Variants in GLIS3 observed in about 807,000 individuals in gnomAD.
GLIS3 encodes zinc finger protein GLIS3.
Under a neutral mutation model 78.6 loss-of-function variants are expected in GLIS3, and 53 were observed. That is an observed-to-expected ratio of 0.67 (90% CI 0.54 to 0.85). GLIS3 has a LOEUF of 0.85. GLIS3 is among the 40% of genes least tolerant of loss of function. The pLI is 0.00. For synonymous variants in GLIS3, 684 were observed against 509.9 expected (o/e 1.34, Z -4.60); for missense variants, 1,703 against 1,231.1 (o/e 1.38, Z -5.74).
At chr9:3,918,933 G>C (rs1307948498) in intron 6 of GLIS3, among the ~76,000 whole-genome samples, 1 of 152,108 alleles carries the variant, frequency 6.6e-6, no homozygotes, top group East Asian at 1.9e-4. Context: ...TAAGACCCCG[G>C]GAAGATCCCA....
chr9:4,142,575 G>C (rs1336063718), intron 2 of GLIS3, among the ~76,000 whole-genome samples: 3 of 152,090 alleles, frequency 2.0e-5, no homozygotes, highest in African/African-American at 7.2e-5. Flanking sequence ...CAAAACTACA[G>C]GCAGAAATCT....
chr9:4,331,151 G>C (rs1402521231), intron 2 of GLIS3, among the ~76,000 whole-genome samples: 1 of 152,062 alleles, frequency 6.6e-6, no homozygotes, highest in African/African-American at 2.4e-5. Flanking sequence ...CAAGTTGTCA[G>C]CAGGCCCACA....
intron 2 of GLIS3, among the ~76,000 whole-genome samples, chr9:4,148,684 T>A (rs1834421514): frequency 6.6e-6 from 1 of 151,998 alleles, no homozygotes; most frequent in African/African-American, 2.4e-5. Flanking sequence ...GCCCACACCA[T>A]ACCTGTAGCA....
chr9:4,311,269 C>T (rs981128325), intron 2 of GLIS3, among the ~76,000 whole-genome samples: 3 of 152,184 alleles, frequency 2.0e-5, no homozygotes, highest in Middle Eastern at 3.4e-3. Context: ...ATTATCCGGG[C>T]GTGGTGGCAC....
At chr9:4,378,201 A>C in the GLIS3 span, among the ~76,000 whole-genome samples, 1 of 152,308 alleles carries the variant, frequency 6.6e-6, no homozygotes, top group Admixed American at 6.5e-5. Context: ...TATGTGCCAG[A>C]TACTATATAT....
At chr9:4,111,581 C>T (rs1831212342) in intron 4 of GLIS3, among the ~76,000 whole-genome samples, 1 of 152,132 alleles carries the variant, frequency 6.6e-6, no homozygotes, top group Non-Finnish European at 1.5e-5. Context: ...TGGTCAATGC[C>T]CCATCTAATG....
chr9:4,255,463 C>T (rs1340894065), intron 2 of GLIS3, among the ~76,000 whole-genome samples: 1 of 152,114 alleles, frequency 6.6e-6, no homozygotes, highest in Non-Finnish European at 1.5e-5. Context: ...TTGGAAGTAA[C>T]CAAGATGCCC....
chr9:4,015,669 C>T (rs1216623686), intron 4 of GLIS3, among the ~76,000 whole-genome samples: 1 of 152,056 alleles, frequency 6.6e-6, no homozygotes, highest in Non-Finnish European at 1.5e-5. Context: ...AGGTGGATCA[C>T]CTGAGGTCAG....
the GLIS3 span, among the ~76,000 whole-genome samples, chr9:4,429,699 C>A: frequency 6.6e-6 from 1 of 152,110 alleles, no homozygotes; most frequent in Non-Finnish European, 1.5e-5. Flanking sequence ...CTGTTTTCAC[C>A]AAACATTGAA....
chr9:4,142,374 A>G (rs952061922), intron 2 of GLIS3, among the ~76,000 whole-genome samples: 2 of 152,216 alleles, frequency 1.3e-5, no homozygotes, highest in Non-Finnish European at 1.5e-5. Flanking sequence ...ATAAGATTCT[A>G]TGGTTTTCAA....
intron 2 of GLIS3, among the ~76,000 whole-genome samples, chr9:4,185,801 T>G (rs1249098946): frequency 6.6e-6 from 1 of 152,114 alleles, no homozygotes; most frequent in East Asian, 1.9e-4. Context: ...ACTCTTCTCC[T>G]TTCATTTGGC....
At chr9:3,918,926 G>A (rs183562956) in intron 6 of GLIS3, among the ~76,000 whole-genome samples, 1 of 152,264 alleles carries the variant, frequency 6.6e-6, no homozygotes, top group African/African-American at 2.4e-5. Context: ...CTGCTTATAA[G>A]ACCCCGGGAA....
At chr9:3,898,381 T>C (rs907400309) in intron 7 of GLIS3, 15 of 398,596 alleles carry the variant, frequency 3.8e-5, no homozygotes, top group African/African-American at 3.1e-4. Flanking sequence ...GGAGGAAACA[T>C]TTCCTTCGAG....
intron 4 of GLIS3, among the ~76,000 whole-genome samples, chr9:4,013,555 G>T (rs1822206489): frequency 6.6e-6 from 1 of 152,068 alleles, no homozygotes; most frequent in Admixed American, 6.6e-5. Flanking sequence ...CTGCATACAG[G>T]GCCTAGCACA....
chr9:3,888,277 A>T (rs551700415), intron 7 of GLIS3, among the ~76,000 whole-genome samples: 94 of 152,264 alleles, frequency 6.2e-4, no homozygotes, highest in Middle Eastern at 3.4e-3. Flanking sequence ...CAATCTCCTC[A>T]TTACTCATGC....
chr9:4,469,930 T>C, the GLIS3 span, among the ~76,000 whole-genome samples: 7 of 151,926 alleles, frequency 4.6e-5, no homozygotes, highest in South Asian at 2.1e-4. Flanking sequence ...ATAGAGGCTA[T>C]AGAAAATGAT....
At chr9:4,048,487 A>G (rs1255876804) in intron 4 of GLIS3, among the ~76,000 whole-genome samples, 2 of 151,762 alleles carry the variant, frequency 1.3e-5, no homozygotes, top group Non-Finnish European at 2.9e-5. Flanking sequence ...TCATAAATAG[A>G]AAAAAAAAGT....
intron 9 of GLIS3, among the ~76,000 whole-genome samples, chr9:3,847,557 T>C (rs1166102122): frequency 6.6e-6 from 1 of 152,260 alleles, no homozygotes; most frequent in Non-Finnish European, 1.5e-5. Flanking sequence ...TCTGTGTGGG[T>C]GCACATGCAC....
chr9:4,208,011 T>C (rs1000216266), intron 2 of GLIS3, among the ~76,000 whole-genome samples: 1 of 152,170 alleles, frequency 6.6e-6, no homozygotes, highest in Non-Finnish European at 1.5e-5. Context: ...TGTGTGTGAC[T>C]CAATAACCAT....
Sources: allele counts gnomAD v4.1 joint callset (sites outside exome capture counted in the v4.1 genomes callset), GRCh38; gene constraint gnomAD v4.1.1; transcripts MANE v1.5; gene names NCBI Gene and HGNC (gene_info 2026-07-23, HGNC 2026-07-21).